The following BRI3 variants were observed in gnomAD, a reference collection of about 807,000 sequenced individuals.
The protein encoded by BRI3 is membrane protein BRI3.
A neutral mutation model predicts 12.8 loss-of-function variants in BRI3; 6 were observed. That is an observed-to-expected ratio of 0.47 (90% CI 0.26 to 0.93). BRI3 has a LOEUF of 0.93. Ranked by LOEUF, BRI3 falls within the 40% of genes least tolerant of loss-of-function variation. The pLI is 0.15. For missense variants in BRI3, 134 were observed against 171.1 expected, an observed-to-expected ratio of 0.78 and a Z score of 1.21; for synonymous variants, 91 against 76.1, an observed-to-expected ratio of 1.20 and a Z score of -1.02.
chr7:98,306,460 G>C, upstream of BRI3: 1 of 1,614,168 alleles, frequency 6.2e-7, no homozygotes, highest in Non-Finnish European at 8.5e-7. Context: ...CACGGTCACT[G>C]CTTCTGTCTC....
At chr7:98,282,875 G>C (rs1453544008) in intron 2 of BRI3, 1 of 185,096 alleles carries the variant, frequency 5.4e-6, no homozygotes, top group Non-Finnish European at 1.1e-5. Flanking sequence ...CCCGGAAGGG[G>C]CATTTGGAAG....
intron 2 of BRI3, among the ~76,000 whole-genome samples, chr7:98,290,178 G>GTTTTTTTTTTTT (rs1200763476): frequency 2.2e-5 from 2 of 92,280 alleles, no homozygotes; most frequent in African/African-American, 7.1e-5. Flanking sequence ...GCCTCTCAAG[G>GTTTTTTTTTTTT]TTGTTTTTTT....
chr7:98,296,312 G>C (rs1800189776), downstream of BRI3, among the ~76,000 whole-genome samples: 1 of 152,206 alleles, frequency 6.6e-6, no homozygotes, highest in South Asian at 2.1e-4. Flanking sequence ...GTGGTATTCT[G>C]TAATACAATG....
At chr7:98,312,151 A>G, downstream of BRI3, 4 of 1,614,042 alleles carry the variant, frequency 2.5e-6, no homozygotes, top group South Asian at 3.3e-5. Context: ...ACACGGGGGT[A>G]GAGGCTGGGG....
downstream of BRI3, chr7:98,292,697 C>T (rs772236201): frequency 7.1e-6 from 11 of 1,551,666 alleles, no homozygotes; most frequent in South Asian, 1.2e-4. Flanking sequence ...CTGATTCAAA[C>T]ACGGAGAAAC....
upstream of BRI3, chr7:98,306,306 T>C (rs890332505): frequency 1.9e-6 from 2 of 1,077,688 alleles, no homozygotes; most frequent in Non-Finnish European, 2.8e-6. Context: ...TGAGCCGCGG[T>C]CTCATCTCTG....
chr7:98,290,022 G>A (rs565955873), intron 2 of BRI3, among the ~76,000 whole-genome samples: 1 of 152,224 alleles, frequency 6.6e-6, no homozygotes, highest in East Asian at 1.9e-4. Context: ...GTGTGAACAT[G>A]GCCGACTGTA....
At chr7:98,307,387 T>C (rs966470850) in intron 1 of BRI3, 38 of 1,199,580 alleles carry the variant, frequency 3.2e-5, no homozygotes, top group South Asian at 2.8e-4. Flanking sequence ...ATTACAAGCA[T>C]GAGCCACTGC....
chr7:98,295,310 C>T (rs1562961977), downstream of BRI3, among the ~76,000 whole-genome samples: 4 of 152,150 alleles, frequency 2.6e-5, no homozygotes, highest in African/African-American at 9.7e-5. Context: ...CCCCAGATCC[C>T]CTGGGCAGGG....
chr7:98,282,929 C>T (rs6947340), intron 2 of BRI3: 62,590 of 155,808 alleles, frequency 0.4, 13,734 homozygotes, highest in Middle Eastern at 0.55. Flanking sequence ...AAGCGACGGC[C>T]GTAAGAGCTG....
At chr7:98,304,149 G>C (rs1800537907), upstream of BRI3, 1 of 1,498,858 alleles carries the variant, frequency 6.7e-7, no homozygotes, top group South Asian at 1.3e-5. Context: ...TCCCAGTCGG[G>C]GATGGCGAGT....
downstream of BRI3, among the ~76,000 whole-genome samples, chr7:98,313,965 A>G (rs989074238): frequency 6.8e-6 from 1 of 147,844 alleles, no homozygotes; most frequent in African/African-American, 2.5e-5. Context: ...TAGGGAGCTG[A>G]ATACTCCTTT....
chr7:98,315,912 C>T, the BRI3 span, among the ~76,000 whole-genome samples: 2 of 152,282 alleles, frequency 1.3e-5, no homozygotes, highest in African/African-American at 2.4e-5. Context: ...GAAAGCACCA[C>T]GGGCTTTGGA....
chr7:98,288,062 TC>T (rs1182693383), intron 2 of BRI3, among the ~76,000 whole-genome samples: 1 of 152,176 alleles, frequency 6.6e-6, no homozygotes, highest in Non-Finnish European at 1.5e-5. Context: ...TGCGGGCCTC[TC>T]CCCTAGAAGG....
chr7:98,320,004 G>A, the BRI3 span: 37 of 1,457,092 alleles, frequency 2.5e-5, no homozygotes, highest in Non-Finnish European at 3.4e-5. Context: ...GTTCTCCCCA[G>A]GCTGGGAGGT....
chr7:98,290,768 G>C (rs979970614), intron 2 of BRI3, among the ~76,000 whole-genome samples: 10 of 152,250 alleles, frequency 6.6e-5, no homozygotes, highest in Admixed American at 5.2e-4. Context: ...CACAGTGCTG[G>C]GATTACAGGC....
exon 2 of BRI3, chr7:98,307,715 G>A: frequency 6.2e-7 from 1 of 1,614,204 alleles, no homozygotes; most frequent in Non-Finnish European, 8.5e-7. Flanking sequence ...GTTCTCCATA[G>A]AGCCAGCCAT....
At chr7:98,317,267 T>C in the BRI3 span, 2 of 1,614,248 alleles carry the variant, frequency 1.2e-6, no homozygotes, top group Admixed American at 3.3e-5. Flanking sequence ...TTCCTTGGCT[T>C]TTCCTTCTGA....
At chr7:98,300,870 T>C (rs1800392536) in intron 1 of BRI3, among the ~76,000 whole-genome samples, 1 of 152,112 alleles carries the variant, frequency 6.6e-6, no homozygotes, top group Non-Finnish European at 1.5e-5. Context: ...CGCCCAGGCC[T>C]TGTGTTTTTG....
Sources: gnomAD v4.1 joint callset for allele counts (sites outside exome capture counted in the v4.1 genomes callset) on GRCh38, gnomAD v4.1.1 for gene constraint, MANE v1.5 for transcripts, NCBI Gene and HGNC (gene_info 2026-07-23, HGNC 2026-07-21) for gene names.